TRPM3: variants seen among roughly 807,000 people sequenced by gnomAD.
TRPM3 encodes transient receptor potential cation channel subfamily M member 3.
A neutral mutation model predicts 181.2 loss-of-function variants in TRPM3; 77 were observed. The ratio of observed to expected loss-of-function variants is 0.42; its 90% CI spans 0.35 to 0.51. The LOEUF (loss-of-function observed/expected upper bound fraction) is 0.51. Ranked by LOEUF, TRPM3 falls within the 20% of genes least tolerant of loss-of-function variation. The probability of loss-of-function intolerance (pLI) is 0.01; values close to 1 mark genes in which losing one functional copy is unlikely to be tolerated. For missense variants in TRPM3, 1,759 were observed against 2,196.7 expected (o/e 0.80, Z 3.98); for synonymous variants, 745 against 796.4 (o/e 0.94, Z 1.09).
At chr9:71,222,885 A>G (rs2080325853) in intron 1 of TRPM3, among the ~76,000 whole-genome samples, 1 of 152,182 alleles carries the variant, frequency 6.6e-6, no homozygotes, top group Non-Finnish European at 1.5e-5. Context: ...CCCATGGCAG[A>G]GATTGGAACT....
intron 1 of TRPM3, among the ~76,000 whole-genome samples, chr9:71,169,886 C>T (rs1416184818): frequency 6.7e-6 from 1 of 149,206 alleles, no homozygotes; most frequent in Admixed American, 6.7e-5. Context: ...CCCATAGTTC[C>T]AGCTACTAGG....
At chr9:71,152,612 G>T (rs990515) in intron 1 of TRPM3, among the ~76,000 whole-genome samples, 143,973 of 152,226 alleles carry the variant, frequency 0.95, 68,301 homozygotes, top group East Asian at 1. Flanking sequence ...GTCCTCGTAC[G>T]GAGATAATCA....
intron 1 of TRPM3, among the ~76,000 whole-genome samples, chr9:71,195,189 A>T (rs979546341): frequency 1.6e-4 from 25 of 152,140 alleles, no homozygotes; most frequent in African/African-American, 5.8e-4. Context: ...GCTTCCGCAC[A>T]GCAAAAGAAA....
intron 1 of TRPM3, among the ~76,000 whole-genome samples, chr9:70,874,531 C>G (rs528159789): frequency 8.6e-5 from 13 of 151,992 alleles, no homozygotes; most frequent in South Asian, 8.3e-4. Context: ...ATTATAACTT[C>G]GTTTTCTGTC....
At chr9:71,021,580 A>G (rs557978561) in intron 1 of TRPM3, among the ~76,000 whole-genome samples, 1 of 152,236 alleles carries the variant, frequency 6.6e-6, no homozygotes, top group Non-Finnish European at 1.5e-5. Flanking sequence ...ATGTCTATTG[A>G]CCTTCAACTT....
intron 1 of TRPM3, among the ~76,000 whole-genome samples, chr9:71,129,199 T>G (rs957821776): frequency 6.6e-6 from 1 of 152,238 alleles, no homozygotes; most frequent in Non-Finnish European, 1.5e-5. Context: ...CATTTTATTT[T>G]TATTAACATT....
Position 70,863,057 on chromosome 9 carries a change from C to T in TRPM3, c.313G>A (p.Val105Met), listed in dbSNP as rs202229205. ...CTTTCATTTTTCTCATTCTGAAGCA[C>T]GGAGATACTGGGGGTGAGGCCAACA... ...QHVGLTPSIS[V>M]LQNEKNESRL... is the part of the protein sequence containing the mutation. The change falls in exon 3 of 26, where the codon GTG becomes ATG. Residue 105 changes from valine to methionine, a missense_variant. Val to Met is a conservative substitution (Grantham distance 21). Coordinates refer to ENST00000677713, the MANE Select transcript of TRPM3 (RefSeq NM_001366145.2). The T allele has an allele frequency of 3.1e-5, 50 of 1,613,558 alleles. No individual in the cohort carries two copies. The highest frequency in any genetic ancestry group is 1.7e-4 in the Middle Eastern group (1 of 6,048).
intron 1 of TRPM3, chr9:70,917,527 G>A (rs901054504): frequency 3.9e-5 from 26 of 662,780 alleles, no homozygotes; most frequent in Admixed American, 1.6e-4. Context: ...GGGCGGGCAC[G>A]CAGCTTTGTT....
intron 1 of TRPM3, among the ~76,000 whole-genome samples, chr9:70,892,298 C>A (rs2096217520): frequency 6.6e-6 from 1 of 151,818 alleles, no homozygotes; most frequent in African/African-American, 2.4e-5. Flanking sequence ...GAAAAAGAGG[C>A]CTTTATGAGA....
chr9:71,082,026 A>G (rs1565153661), intron 1 of TRPM3, among the ~76,000 whole-genome samples: 1 of 152,212 alleles, frequency 6.6e-6, no homozygotes, highest in Admixed American at 6.5e-5. Flanking sequence ...GTTTTTAAAC[A>G]AATCCATATT....
At chr9:70,585,667 AC>A (rs751020450) in intron 22 of TRPM3, among the ~76,000 whole-genome samples, 15 of 152,086 alleles carry the variant, frequency 9.9e-5, no homozygotes, top group African/African-American at 3.6e-4. Flanking sequence ...CACCCTCTGC[AC>A]CATCTGATTT....
intron 1 of TRPM3, among the ~76,000 whole-genome samples, chr9:71,079,647 G>A (rs952444987): frequency 2.0e-5 from 3 of 152,162 alleles, no homozygotes; most frequent in African/African-American, 7.2e-5. Flanking sequence ...TCTTCCCAAT[G>A]GAATGTAGTG....
chr9:70,901,015 C>T (rs1423216594), intron 1 of TRPM3, among the ~76,000 whole-genome samples: 1 of 152,206 alleles, frequency 6.6e-6, no homozygotes, highest in Non-Finnish European at 1.5e-5. Flanking sequence ...CAACAGAAAT[C>T]ACTGATTGAT....
At chr9:71,027,865 A>G (rs527338260) in intron 1 of TRPM3, among the ~76,000 whole-genome samples, 1 of 152,334 alleles carries the variant, frequency 6.6e-6, no homozygotes, top group East Asian at 1.9e-4. Context: ...AGAGATGGAG[A>G]GAATGGAAGC....
chr9:71,217,372 A>G (rs544125232), intron 1 of TRPM3, among the ~76,000 whole-genome samples: 1 of 152,266 alleles, frequency 6.6e-6, no homozygotes, highest in African/African-American at 2.4e-5. Flanking sequence ...TGCAGGCACT[A>G]AAGTATGTGT....
chr9:71,186,869 T>C (rs960849294), intron 1 of TRPM3, among the ~76,000 whole-genome samples: 10 of 152,064 alleles, frequency 6.6e-5, no homozygotes, highest in South Asian at 2.1e-4. Flanking sequence ...TGTCAACTCA[T>C]CTATGAACAA....
chr9:70,799,641 T>C (rs2088312672), intron 6 of TRPM3, among the ~76,000 whole-genome samples: 1 of 152,220 alleles, frequency 6.6e-6, no homozygotes, highest in Non-Finnish European at 1.5e-5. Flanking sequence ...ACCTGATAGT[T>C]GGTGACTATT....
chr9:71,446,923 G>A, upstream of TRPM3: 1 of 1,320,488 alleles, frequency 7.6e-7, no homozygotes, highest in Non-Finnish European at 1.0e-6. Context: ...CAGCCTGCGC[G>A]CGGCTCTCGG....
chr9:71,403,029 C>T (rs1264428890), intron 1 of TRPM3, among the ~76,000 whole-genome samples: 1 of 152,112 alleles, frequency 6.6e-6, no homozygotes, highest in African/African-American at 2.4e-5. Flanking sequence ...TAAATAATTT[C>T]CTGCATGTAA....
Sources: allele counts gnomAD v4.1 joint callset (sites outside exome capture counted in the v4.1 genomes callset), GRCh38; gene constraint gnomAD v4.1.1; transcripts MANE v1.5; gene names NCBI Gene and HGNC (gene_info 2026-07-23, HGNC 2026-07-21).